Variants in AUTS2 observed in about 807,000 individuals in gnomAD.
The protein encoded by AUTS2 is autism susceptibility gene 2 protein.
In AUTS2, 17 loss-of-function variants were observed where a neutral mutation model predicts 112.4. The observed-to-expected ratio is 0.15, with a 90% CI of 0.10 to 0.23. The LOEUF is 0.23. Ranked by LOEUF, AUTS2 falls within the 10% of genes least tolerant of loss-of-function variation. The probability of loss-of-function intolerance (pLI) is 1.00; values close to 1 mark genes in which losing one functional copy is unlikely to be tolerated. For missense variants in AUTS2, 1,510 were observed against 1,701.6 expected (o/e 0.89, Z 1.98); for synonymous variants, 751 against 702.7 (o/e 1.07, Z -1.09).
chr7:69,979,999 T>G (rs576481631), intron 2 of AUTS2, among the ~76,000 whole-genome samples: 1 of 152,344 alleles, frequency 6.6e-6, no homozygotes, highest in Non-Finnish European at 1.5e-5. Flanking sequence ...ACTGGAAGTT[T>G]TTGTTGTGCA....
intron 2 of AUTS2, among the ~76,000 whole-genome samples, chr7:69,998,180 A>G (rs1799031343): frequency 6.6e-6 from 1 of 152,034 alleles, no homozygotes; most frequent in South Asian, 2.1e-4. Context: ...AGAAATGGTG[A>G]TGATGTGGGG....
chr7:69,662,337 G>C (rs111432302), intron 1 of AUTS2, among the ~76,000 whole-genome samples: 2,480 of 152,258 alleles, frequency 0.016, 68 homozygotes, highest in African/African-American at 0.057. Context: ...GGTTCCAGGT[G>C]TGTTTTGAGT....
intron 1 of AUTS2, among the ~76,000 whole-genome samples, chr7:69,772,406 G>A (rs1267150519): frequency 6.6e-6 from 1 of 152,208 alleles, no homozygotes; most frequent in Non-Finnish European, 1.5e-5. Flanking sequence ...TCTGATAGAG[G>A]TATAAGGTCC....
At chr7:70,553,830 G>C (rs1225771530) in intron 5 of AUTS2, among the ~76,000 whole-genome samples, 1 of 134,592 alleles carries the variant, frequency 7.4e-6, no homozygotes, top group Non-Finnish European at 1.5e-5. Flanking sequence ...GCAGTGGTGC[G>C]ATTTCGGCTC....
At chr7:70,421,392 A>T (rs1795214894) in intron 4 of AUTS2, among the ~76,000 whole-genome samples, 2 of 151,914 alleles carry the variant, frequency 1.3e-5, no homozygotes, top group South Asian at 2.1e-4. Context: ...TTTTCAACAC[A>T]AAGAGATGTT....
At chr7:70,624,906 T>A (rs1478933781) in intron 5 of AUTS2, among the ~76,000 whole-genome samples, 1 of 152,168 alleles carries the variant, frequency 6.6e-6, no homozygotes, top group Non-Finnish European at 1.5e-5. Flanking sequence ...ATAGGTTTTT[T>A]TCTCTGCCAG....
chr7:70,031,311 T>A (rs1800767798), intron 2 of AUTS2, among the ~76,000 whole-genome samples: 1 of 152,176 alleles, frequency 6.6e-6, no homozygotes. Context: ...TCTATGGATT[T>A]AATGACTGCA....
rs185865047 is a variant in AUTS2 at position 70,540,093 on chromosome 7, G to A, written c.690+104312G>A. On this transcript the variant is annotated intron_variant, in intron 5 of 18. Coordinates refer to ENST00000342771, the MANE Select transcript of AUTS2 (RefSeq NM_015570.4). ...CTTAGACCATAGCCTCAGGGAAAAG[G>A]AGCTCTTGGCACCCTGCCTTCCACT... Among the ~76,000 whole-genome samples the A allele has an allele frequency of 8.5e-5, 13 of 152,230 alleles. No individual in the cohort carries two copies. In the East Asian group the frequency reaches 2.1e-3, roughly 25 times the overall value.
intron 3 of AUTS2, among the ~76,000 whole-genome samples, chr7:70,133,840 TA>T (rs1304973716): frequency 2.0e-5 from 3 of 152,190 alleles, no homozygotes; most frequent in Non-Finnish European, 4.4e-5. Context: ...CTTTCAGAAT[TA>T]ACATTTTTAA....
chr7:70,117,128 TTTTTTTTTG>T (rs764071505), intron 2 of AUTS2, among the ~76,000 whole-genome samples: 9,751 of 98,768 alleles, frequency 0.099, 480 homozygotes, highest in African/African-American at 0.15. Context: ...TTTTTTTTTG[TTTTTTTTTG>T]TTTTTTTTTT....
chr7:69,697,565 C>G (rs1244285990), intron 1 of AUTS2, among the ~76,000 whole-genome samples: 1 of 152,094 alleles, frequency 6.6e-6, no homozygotes, highest in Non-Finnish European at 1.5e-5. Context: ...AGCTTTATAC[C>G]TACAGAAATA....
At position 70,184,144 on chromosome 7, in the gene AUTS2, TAAATC is replaced by T. The variant is rs368083409; in HGVS notation, c.660+49576_660+49580del. Among the ~76,000 whole-genome samples the T allele has an allele frequency of 7.9e-5, 12 of 152,314 alleles. No homozygotes were observed. In the East Asian group the frequency reaches 1.9e-3, roughly 24 times the overall value. ...GGCATGCTGGAAATTTGTTAGCTCTTAAATCAACAACTTGTTATTGACAGTCATCT... is the reference window on the plus strand; with the variant it reads ...GGCATGCTGGAAATTTGTTAGCTCTTAACAACTTGTTATTGACAGTCATCT... On this transcript the variant is annotated intron_variant, in intron 4 of 18. Transcript: ENST00000342771.
intron 16 of AUTS2, chr7:70,785,416 G>A (rs1791384414): frequency 4.1e-6 from 2 of 488,546 alleles, no homozygotes; most frequent in African/African-American, 1.9e-5. Flanking sequence ...CTGACGTTAT[G>A]GAGAGGAGTT....
At chr7:70,627,054 T>G (rs1268155863) in intron 5 of AUTS2, among the ~76,000 whole-genome samples, 1 of 152,232 alleles carries the variant, frequency 6.6e-6, no homozygotes, top group Non-Finnish European at 1.5e-5. Flanking sequence ...CTGGGTCAAA[T>G]GGTAATTCTG....
intron 4 of AUTS2, among the ~76,000 whole-genome samples, chr7:70,419,756 C>T (rs958442566): frequency 1.3e-5 from 2 of 152,188 alleles, no homozygotes; most frequent in African/African-American, 2.4e-5. Flanking sequence ...GTCTGCCTCA[C>T]GACAGCCTTG....
intron 1 of AUTS2, among the ~76,000 whole-genome samples, chr7:69,893,704 T>G (rs1371159909): frequency 6.6e-6 from 1 of 152,116 alleles, no homozygotes; most frequent in Non-Finnish European, 1.5e-5. Context: ...CTTGGAAAAA[T>G]CAGGCGGAGA....
In AUTS2 at chr7:70,080,054, T is replaced by TTACAC. The variant is rs1265028082; in HGVS notation, c.523-38077_523-38076insACACT. ...CATTATGTTCCATCTCCCAACACTGTTGCACTTGGGGTTAAGTTTGCAACA... is the reference window on the plus strand; with the variant it reads ...CATTATGTTCCATCTCCCAACACTGTTACACTGCACTTGGGGTTAAGTTTGCAACA... On this transcript the variant is annotated intron_variant, in intron 2 of 18. Transcript: ENST00000342771. Among the ~76,000 whole-genome samples, 443 of 152,284 alleles carry TTACAC rather than the reference T, an allele frequency of 2.9e-3. 5 individuals carry two copies. The highest frequency in any genetic ancestry group is 0.01 in the African/African-American group (429 of 41,560).
At chr7:70,699,952 A>G (rs922931289) in intron 6 of AUTS2, among the ~76,000 whole-genome samples, 11 of 152,172 alleles carry the variant, frequency 7.2e-5, no homozygotes, top group Admixed American at 2.6e-4. Context: ...GCAGCCCCCC[A>G]GGACCTCTGC....
chr7:70,463,093 G>A (rs960471189), intron 5 of AUTS2, among the ~76,000 whole-genome samples: 1 of 126,762 alleles, frequency 7.9e-6, no homozygotes, highest in Non-Finnish European at 1.8e-5. Context: ...AGGCCTGTGA[G>A]TCTCCAGATG....
Sources: allele counts gnomAD v4.1 joint callset (sites outside exome capture counted in the v4.1 genomes callset), GRCh38; gene constraint gnomAD v4.1.1; transcripts MANE v1.5; gene names NCBI Gene and HGNC (gene_info 2026-07-23, HGNC 2026-07-21).